The following KCNC2 variants were observed in gnomAD, a reference collection of about 807,000 sequenced individuals.
KCNC2 encodes the protein potassium voltage-gated channel subfamily C member 2.
A neutral mutation model predicts 44.5 loss-of-function variants in KCNC2; 21 were observed. That is an observed-to-expected ratio of 0.47 (90% CI 0.33 to 0.68). The LOEUF is 0.68. Ranked by LOEUF, KCNC2 falls within the 30% of genes least tolerant of loss-of-function variation. The pLI is 0.01. For missense variants in KCNC2, 589 were observed against 826.2 expected (o/e 0.71, Z 3.52); for synonymous variants, 391 against 339.1 (o/e 1.15, Z -1.68).
intron 2 of KCNC2, among the ~76,000 whole-genome samples, chr12:75,098,239 C>T (rs1346074937): frequency 6.6e-6 from 1 of 152,068 alleles, no homozygotes; most frequent in East Asian, 1.9e-4. Context: ...TTTTGCTTTT[C>T]CTAACAAGAA....
rs11180385 is a variant in KCNC2 at position 75,170,742 on chromosome 12, C to G, written c.687+36555G>C. 0.012 allele frequency among the ~76,000 whole-genome samples: 1,874 copies of G among 151,636 alleles called. 152 individuals carry two copies. The East Asian group carries it at 0.21, about 17-fold the overall frequency. ...AGAGTTCTCAGCCAAGAGATGTTAACTTTTGTCAACAGCTCCCATATTTGA... is the reference window on the plus strand; with the variant it reads ...AGAGTTCTCAGCCAAGAGATGTTAAGTTTTGTCAACAGCTCCCATATTTGA... On this transcript the variant is annotated intron_variant, in intron 2 of 4. Coordinates refer to ENST00000549446, the MANE Select transcript of KCNC2 (RefSeq NM_139137.4).
chr12:75,041,095 C>T lies in KCNC2; in HGVS notation c.*2010G>A. The T allele has an allele frequency of 1.3e-6, 2 of 1,595,690 alleles. No individual in the cohort carries two copies. The highest frequency in any genetic ancestry group is 1.3e-5 in the African/African-American group (1 of 74,892). ...ATCTCTTCCAAGTGCAACCTGGTCACATCAGGGCACATTCAGCAGCAGAAG... is the reference window on the plus strand; with the variant it reads ...ATCTCTTCCAAGTGCAACCTGGTCATATCAGGGCACATTCAGCAGCAGAAG... On this transcript the variant is annotated 3_prime_UTR_variant, in exon 5 of 5. Coordinates refer to ENST00000549446, the MANE Select transcript of KCNC2 (RefSeq NM_139137.4).
At chr12:75,046,672 T>C (rs1880557448) in intron 4 of KCNC2, among the ~76,000 whole-genome samples, 1 of 151,882 alleles carries the variant, frequency 6.6e-6, no homozygotes, top group Admixed American at 6.6e-5. Context: ...ATTCACTCTC[T>C]TCAAAATATA....
intron 2 of KCNC2, among the ~76,000 whole-genome samples, chr12:75,176,461 A>G (rs1892189552): frequency 6.6e-6 from 1 of 151,912 alleles, no homozygotes; most frequent in African/African-American, 2.4e-5. Context: ...CAAGCCCTGT[A>G]AGATCTAGTG....
rs61089425 is a variant in KCNC2, at chr12:75,181,916, C to CTTTTTTTTTTTTT, written c.687+25368_687+25380dup. 1.0e-3 allele frequency among the ~76,000 whole-genome samples: 50 copies of CTTTTTTTTTTTTT among 47,874 alleles called. 12 individuals carry two copies. Among genetic ancestry groups the CTTTTTTTTTTTTT allele is most frequent in the East Asian group, 6.9e-3 (7 of 1,014 alleles). The allele number at this position is 47,874 out of a possible 152,430, so 31.4% of individuals were successfully genotyped here. On this transcript the variant is annotated intron_variant, in intron 2 of 4. Transcript: ENST00000549446. The stretch of plus-strand genomic sequence containing the variant: ...AAACATTATTACTATTAATATCTTC[C>CTTTTTTTTTTTTT]TTTTTTTTTTTTTTTTTTTTTTTTT...
intron 2 of KCNC2, among the ~76,000 whole-genome samples, chr12:75,068,025 C>A (rs1883012005): frequency 6.6e-6 from 1 of 152,016 alleles, no homozygotes; most frequent in Non-Finnish European, 1.5e-5. Flanking sequence ...AACAACTTTC[C>A]AGGGAAGGAA....
At chr12:75,170,986 A>T (rs562326493) in intron 2 of KCNC2, among the ~76,000 whole-genome samples, 1 of 151,824 alleles carries the variant, frequency 6.6e-6, no homozygotes, top group Non-Finnish European at 1.5e-5. Flanking sequence ...TGTCAGCTTG[A>T]TGTTACTTTC....
chr12:75,060,333 C>T (rs1045677564), intron 2 of KCNC2, among the ~76,000 whole-genome samples: 5 of 151,992 alleles, frequency 3.3e-5, no homozygotes, highest in Non-Finnish European at 7.4e-5. Flanking sequence ...TTTTAATATG[C>T]TTTTAATTAC....
intron 2 of KCNC2, among the ~76,000 whole-genome samples, chr12:75,147,317 T>C (rs1480778607): frequency 6.6e-6 from 1 of 151,890 alleles, no homozygotes; most frequent in Non-Finnish European, 1.5e-5. Context: ...AAGAAGACAA[T>C]CCTCCTCATA....
At chr12:75,202,922 A>C (rs1483323375) in intron 2 of KCNC2, among the ~76,000 whole-genome samples, 1 of 151,608 alleles carries the variant, frequency 6.6e-6, no homozygotes, top group Non-Finnish European at 1.5e-5. Context: ...AGGTGAGCTC[A>C]TTGAAGGCAA....
rs538192096 is a variant in KCNC2 at position 75,187,777 on chromosome 12, A to C, written c.687+19520T>G. Among the ~76,000 whole-genome samples, 4 of 152,198 alleles carry C rather than the reference A, an allele frequency of 2.6e-5. No homozygotes were observed. The East Asian group carries it at 5.8e-4, about 22-fold the overall frequency. On this transcript the variant is annotated intron_variant, in intron 2 of 4. Coordinates refer to ENST00000549446, the MANE Select transcript of KCNC2 (RefSeq NM_139137.4). ...ACGACTATAAATGAAAATTATGAGA[A>C]CCCAAATTGCCAGAAGAATGCATAT...
intron 4 of KCNC2, among the ~76,000 whole-genome samples, chr12:75,046,403 A>T (rs931497227): frequency 6.6e-6 from 1 of 151,788 alleles, no homozygotes; most frequent in African/African-American, 2.4e-5. Context: ...GACAGTTTAA[A>T]ACTCAAAACA....
At chr12:75,087,675 A>G (rs983976504) in intron 2 of KCNC2, among the ~76,000 whole-genome samples, 2 of 152,008 alleles carry the variant, frequency 1.3e-5, no homozygotes, top group South Asian at 4.1e-4. Flanking sequence ...CTGCTAGTTA[A>G]TTTACAGATT....
intron 2 of KCNC2, among the ~76,000 whole-genome samples, chr12:75,199,073 C>T (rs1418120665): frequency 6.6e-6 from 1 of 151,782 alleles, no homozygotes; most frequent in Admixed American, 6.6e-5. Flanking sequence ...ATTTATGCAA[C>T]CAAAAGTTGA....
intron 2 of KCNC2, among the ~76,000 whole-genome samples, chr12:75,191,537 T>A (rs756484074): frequency 0.17 from 7,748 of 45,854 alleles, 377 homozygotes; most frequent in Non-Finnish European, 0.2. Context: ...ATTTTTTTTT[T>A]TTTTTTTTTT....
In KCNC2 at chr12:75,051,497, G is replaced by A. The variant is rs188101909; in HGVS notation, c.688-180C>T. 9.9e-5 allele frequency among the ~76,000 whole-genome samples: 15 copies of A among 152,190 alleles called. No individual in the cohort carries two copies. In the East Asian group the frequency reaches 2.9e-3, roughly 29 times the overall value. On this transcript the variant is annotated intron_variant, in intron 2 of 4. Transcript: ENST00000549446. ...TATGTAACATTAATTAGAGTGTACA[G>A]GTAATGTATTTCAGGTTCTGTTTTC...
At chr12:75,061,374 A>G (rs974718868) in intron 2 of KCNC2, among the ~76,000 whole-genome samples, 3 of 152,078 alleles carry the variant, frequency 2.0e-5, no homozygotes, top group African/African-American at 7.2e-5. Flanking sequence ...GATGTAAAGG[A>G]AAGAGGATGC....
At chr12:75,186,942 T>A (rs1473919985) in intron 2 of KCNC2, among the ~76,000 whole-genome samples, 2 of 152,198 alleles carry the variant, frequency 1.3e-5, no homozygotes, top group Admixed American at 6.5e-5. Context: ...CAAGTATAAT[T>A]TTCTTTTTAT....
intron 2 of KCNC2, among the ~76,000 whole-genome samples, chr12:75,161,104 T>C (rs1187072077): frequency 6.6e-6 from 1 of 151,670 alleles, no homozygotes; most frequent in Non-Finnish European, 1.5e-5. Context: ...GGCACTTTCA[T>C]AAATTAGGTC....
Sources: allele counts gnomAD v4.1 joint callset (sites outside exome capture counted in the v4.1 genomes callset), GRCh38; gene constraint gnomAD v4.1.1; transcripts MANE v1.5; gene names NCBI Gene and HGNC (gene_info 2026-07-23, HGNC 2026-07-21).